SLCO1B1: variants seen among roughly 807,000 people sequenced by gnomAD.
SLCO1B1 encodes the protein solute carrier organic anion transporter family member 1B1.
In SLCO1B1, 81 loss-of-function variants were observed where a neutral mutation model predicts 70.1. The observed-to-expected ratio is 1.16, with a 90% CI of 0.97 to 1.39. The LOEUF (loss-of-function observed/expected upper bound fraction) is 1.39. SLCO1B1 is among the 40% of genes most tolerant of loss of function. The probability of loss-of-function intolerance (pLI) is 0.00; values close to 1 mark genes in which losing one functional copy is unlikely to be tolerated. For missense variants in SLCO1B1, 895 were observed against 799.6 expected (o/e 1.12, Z -1.44); for synonymous variants, 283 against 271.5 (o/e 1.04, Z -0.42).
At chr12:21,168,549 G>A (rs552589459) in intron 2 of SLCO1B1, among the ~76,000 whole-genome samples, 5 of 152,150 alleles carry the variant, frequency 3.3e-5, no homozygotes, top group Middle Eastern at 3.4e-3. Context: ...TCTCTTACTC[G>A]TTATTTTCTA....
intron 1 of SLCO1B1, among the ~76,000 whole-genome samples, chr12:21,141,015 GA>G (rs1420170801): frequency 2.6e-5 from 4 of 151,812 alleles, no homozygotes. Context: ...TTTGCTTTTT[GA>G]GCCTGATTCC....
rs986051180 is a variant in SLCO1B1 at position 21,145,473 on chromosome 12, A to T, written c.84+3815A>T. 5.6e-3 allele frequency among the ~76,000 whole-genome samples: 425 copies of T among 75,902 alleles called. 2 individuals are homozygous for T. Among genetic ancestry groups the T allele is most frequent in the Middle Eastern group, 0.017 (1 of 60 alleles). The allele number at this position is 75,902 out of a possible 152,430, so 49.8% of individuals were successfully genotyped here. ...TGCCACTTCACCCAGCATTTTTTTC[A>T]TTTTTTTTTTTTTTTTTTTTTTTTT... On this transcript the variant is annotated intron_variant, in intron 2 of 14. Transcript: ENST00000256958.
At chr12:21,193,586 CT>C (rs1202185850) in intron 7 of SLCO1B1, among the ~76,000 whole-genome samples, 8 of 152,118 alleles carry the variant, frequency 5.3e-5, no homozygotes, top group Non-Finnish European at 1.2e-4. Flanking sequence ...CAGTTTTTTA[CT>C]TAAACTCTTT....
At chr12:21,202,181 G>A (rs61760245) in intron 9 of SLCO1B1, among the ~76,000 whole-genome samples, 2,426 of 152,216 alleles carry the variant, frequency 0.016, 65 homozygotes, top group African/African-American at 0.055. Context: ...GACACAGGGA[G>A]GGGAACATCA....
At chr12:21,237,949 G>A (rs920424133) in intron 14 of SLCO1B1, among the ~76,000 whole-genome samples, 3 of 152,032 alleles carry the variant, frequency 2.0e-5, no homozygotes, top group African/African-American at 4.8e-5. Flanking sequence ...TCCTGACCTC[G>A]TGATCTGCCT....
intron 11 of SLCO1B1, among the ~76,000 whole-genome samples, chr12:21,212,400 C>G (rs1157796153): frequency 4.0e-5 from 5 of 124,948 alleles, no homozygotes; most frequent in African/African-American, 1.2e-4. Context: ...ATCCTGAGTT[C>G]TAGTTTGATT....
chr12:21,152,700 C>G (rs569087838), intron 2 of SLCO1B1, among the ~76,000 whole-genome samples: 1 of 151,794 alleles, frequency 6.6e-6, no homozygotes, highest in South Asian at 2.1e-4. Context: ...TTTCCTTTCC[C>G]TTCGGTCAGT....
At chr12:21,143,005 C>G (rs182753516) in intron 2 of SLCO1B1, among the ~76,000 whole-genome samples, 1 of 152,000 alleles carries the variant, frequency 6.6e-6, no homozygotes, top group African/African-American at 2.4e-5. Flanking sequence ...TCAGAAACAT[C>G]GCTAAATTGG....
At chr12:21,145,734 C>T (rs1940374270) in intron 2 of SLCO1B1, among the ~76,000 whole-genome samples, 2 of 151,896 alleles carry the variant, frequency 1.3e-5, no homozygotes, top group Non-Finnish European at 2.9e-5. Flanking sequence ...TAGATTTTTG[C>T]AATTTAAGTA....
chr12:21,181,653 T>G (rs1360802127), intron 7 of SLCO1B1, among the ~76,000 whole-genome samples: 1 of 152,154 alleles, frequency 6.6e-6, no homozygotes, highest in African/African-American at 2.4e-5. Context: ...TTTCTTATTA[T>G]TTTTCTTTTA....
At chr12:21,132,844 T>C (rs1364388805) in intron 1 of SLCO1B1, among the ~76,000 whole-genome samples, 2 of 152,176 alleles carry the variant, frequency 1.3e-5, no homozygotes, top group African/African-American at 4.8e-5. Context: ...TAATTATATC[T>C]CATTTGTCAT....
rs1941369385 is a variant in SLCO1B1, at chr12:21,217,187, T to A, written c.1566T>A (p.Gly522=). ...LQNRNYSAHL[G]ECPRDDACTR... The stretch of plus-strand genomic sequence containing the variant: ...ACAGAAATTACTCAGCCCATTTGGG[T>A]GAATGCCCAAGAGATGATGCTTGTA... Residue 522 remains glycine (G), a synonymous_variant, in exon 12 of 15, where the codon GGT becomes GGA. Coordinates refer to ENST00000256958, the MANE Select transcript of SLCO1B1 (RefSeq NM_006446.5). 2 of 1,613,724 alleles carry A rather than the reference T, an allele frequency of 1.2e-6. No individual in the cohort carries two copies. The highest frequency in any genetic ancestry group is 1.7e-6 in the Non-Finnish European group (2 of 1,179,716).
intron 2 of SLCO1B1, among the ~76,000 whole-genome samples, chr12:21,144,024 TC>T (rs34656931): frequency 0.48 from 72,560 of 151,762 alleles, 20,921 homozygotes; most frequent in South Asian, 0.76. Flanking sequence ...TGAATTCTTT[TC>T]TACCCCTTCT....
At chr12:21,135,930 T>G (rs1330838072) in intron 1 of SLCO1B1, among the ~76,000 whole-genome samples, 6 of 149,864 alleles carry the variant, frequency 4.0e-5, no homozygotes, top group South Asian at 2.1e-4. Context: ...TTCCTAGCCT[T>G]GATGGTCTTT....
chr12:21,147,351 T>C (rs190841279), intron 2 of SLCO1B1, among the ~76,000 whole-genome samples: 112 of 152,276 alleles, frequency 7.4e-4, no homozygotes, highest in Middle Eastern at 3.4e-3. Context: ...ATTTGTTACA[T>C]AGGTAAACAC....
chr12:21,178,800 T>C (rs1374688441), intron 6 of SLCO1B1, 78 bp downstream of exon 6: 6 of 1,408,332 alleles, frequency 4.3e-6, no homozygotes, highest in Non-Finnish European at 6.0e-6. Flanking sequence ...ACTAAACTTA[T>C]TATTTTACCT....
At chr12:21,134,603 T>A (rs1469648262) in intron 1 of SLCO1B1, among the ~76,000 whole-genome samples, 2 of 152,230 alleles carry the variant, frequency 1.3e-5, no homozygotes, top group Non-Finnish European at 2.9e-5. Context: ...TCTGCTAGAT[T>A]TTCTAGTTTA....
At chr12:21,149,001 C>A (rs1401571783) in intron 2 of SLCO1B1, among the ~76,000 whole-genome samples, 3 of 152,050 alleles carry the variant, frequency 2.0e-5, no homozygotes, top group Non-Finnish European at 4.4e-5. Flanking sequence ...AATGGAAGTT[C>A]ACTCATGATT....
chr12:21,135,115 T>C (rs913283354), intron 1 of SLCO1B1, among the ~76,000 whole-genome samples: 5 of 152,192 alleles, frequency 3.3e-5, no homozygotes, highest in Non-Finnish European at 5.9e-5. Context: ...CAGTAGCAGA[T>C]TGTTCAGTTT....
Sources: allele counts gnomAD v4.1 joint callset (sites outside exome capture counted in the v4.1 genomes callset), GRCh38; gene constraint gnomAD v4.1.1; transcripts MANE v1.5; gene names NCBI Gene and HGNC (gene_info 2026-07-23, HGNC 2026-07-21).